Variants in TMEM132D observed in about 807,000 individuals in gnomAD.
The protein encoded by TMEM132D is mature OL transmembrane protein.
In TMEM132D, 21 loss-of-function variants were observed where a neutral mutation model predicts 62.3. The ratio of observed to expected loss-of-function variants is 0.34; its 90% CI spans 0.24 to 0.49. The LOEUF (loss-of-function observed/expected upper bound fraction) is 0.49, where lower values mean the gene tolerates loss of function less well. Ranked by LOEUF, TMEM132D falls within the 20% of genes least tolerant of loss-of-function variation. The probability of loss-of-function intolerance (pLI) is 0.99; values close to 1 mark genes in which losing one functional copy is unlikely to be tolerated. For missense variants in TMEM132D, 1,346 were observed against 1,402.8 expected (o/e 0.96, Z 0.65); for synonymous variants, 621 against 575.6 (o/e 1.08, Z -1.13).
At chr12:129,780,220 G>T (rs1380808433) in intron 1 of TMEM132D, among the ~76,000 whole-genome samples, 2 of 149,714 alleles carry the variant, frequency 1.3e-5, no homozygotes, top group Non-Finnish European at 3.0e-5. Flanking sequence ...TCCCCGTCCC[G>T]CTGTGTGCTG....
At chr12:129,672,196 G>A (rs879925419) in intron 2 of TMEM132D, among the ~76,000 whole-genome samples, 2 of 152,218 alleles carry the variant, frequency 1.3e-5, no homozygotes, top group African/African-American at 2.4e-5. Context: ...CAGGCCTCCC[G>A]TTTTCATGGC....
intron 3 of TMEM132D, among the ~76,000 whole-genome samples, chr12:129,526,264 T>C (rs531902781): frequency 1.1e-4 from 16 of 152,164 alleles, no homozygotes; most frequent in African/African-American, 2.9e-4. Context: ...GTTGCCCCAC[T>C]CCCCCAGGCT....
chr12:129,660,664 G>A (rs1231362206), intron 2 of TMEM132D, among the ~76,000 whole-genome samples: 1 of 152,152 alleles, frequency 6.6e-6, no homozygotes, highest in African/African-American at 2.4e-5. Context: ...CAAAGCATGA[G>A]GAGTCACTCA....
chr12:129,671,332 TA>T (rs1436387402), intron 2 of TMEM132D, among the ~76,000 whole-genome samples: 8 of 152,140 alleles, frequency 5.3e-5, no homozygotes, highest in East Asian at 1.9e-4. Flanking sequence ...GTAGTTGCAA[TA>T]GGTTTCCAAT....
intron 3 of TMEM132D, among the ~76,000 whole-genome samples, chr12:129,424,851 A>G (rs1212411100): frequency 6.6e-6 from 1 of 152,166 alleles, no homozygotes; most frequent in Admixed American, 6.5e-5. Context: ...AAAAGACTTT[A>G]AACTCGTCAA....
chr12:129,390,015 G>A (rs1183500555), intron 3 of TMEM132D, among the ~76,000 whole-genome samples: 2 of 152,176 alleles, frequency 1.3e-5, no homozygotes, highest in African/African-American at 2.4e-5. Flanking sequence ...TCCTGTCGGC[G>A]CACACTGGCG....
At chr12:129,165,056 T>A (rs1313373666) in intron 5 of TMEM132D, among the ~76,000 whole-genome samples, 1 of 152,230 alleles carries the variant, frequency 6.6e-6, no homozygotes, top group African/African-American at 2.4e-5. Flanking sequence ...AAAGGACTAT[T>A]GATTCACAAA....
intron 5 of TMEM132D, among the ~76,000 whole-genome samples, chr12:129,090,096 G>A (rs539028060): frequency 7.9e-5 from 12 of 152,316 alleles, no homozygotes; most frequent in South Asian, 2.1e-4. Flanking sequence ...ATGAGCTTCC[G>A]TCTCCAGGGT....
At chr12:129,762,721 T>TA (rs1254049924) in intron 1 of TMEM132D, among the ~76,000 whole-genome samples, 1 of 152,264 alleles carries the variant, frequency 6.6e-6, no homozygotes, top group East Asian at 1.9e-4. Context: ...CTAGAGCCTT[T>TA]AAACATATAT....
chr12:129,480,320 G>T (rs900363500), intron 3 of TMEM132D, among the ~76,000 whole-genome samples: 2 of 152,262 alleles, frequency 1.3e-5, no homozygotes, highest in African/African-American at 4.8e-5. Context: ...CCACTGAAAA[G>T]ACTTTGGTGC....
At chr12:129,397,948 T>C (rs1871480684) in intron 3 of TMEM132D, among the ~76,000 whole-genome samples, 1 of 152,194 alleles carries the variant, frequency 6.6e-6, no homozygotes, top group Non-Finnish European at 1.5e-5. Flanking sequence ...AAAACCTCTC[T>C]ACATGGGAAA....
At chr12:129,265,732 C>T (rs866072223) in intron 4 of TMEM132D, among the ~76,000 whole-genome samples, 18 of 152,032 alleles carry the variant, frequency 1.2e-4, no homozygotes, top group African/African-American at 4.3e-4. Context: ...TTGTAGTGCT[C>T]TTTCCCCAGA....
intron 1 of TMEM132D, among the ~76,000 whole-genome samples, chr12:129,845,199 A>G (rs578056548): frequency 1.3e-5 from 2 of 152,378 alleles, no homozygotes; most frequent in South Asian, 4.1e-4. Flanking sequence ...AAATACGCAT[A>G]CCAAGTAAAT....
intron 1 of TMEM132D, among the ~76,000 whole-genome samples, chr12:129,831,624 A>G (rs1470586074): frequency 6.6e-6 from 1 of 152,194 alleles, no homozygotes; most frequent in African/African-American, 2.4e-5. Context: ...TATTCTAAGG[A>G]ATGAATACGC....
chr12:129,478,809 C>T (rs149262030), intron 3 of TMEM132D, among the ~76,000 whole-genome samples: 1 of 152,280 alleles, frequency 6.6e-6, no homozygotes, highest in African/African-American at 2.4e-5. Context: ...AGAATCCGAG[C>T]TTTAGTCCCT....
chr12:129,279,132 C>G (rs1272685480), intron 4 of TMEM132D, among the ~76,000 whole-genome samples: 2 of 152,152 alleles, frequency 1.3e-5, no homozygotes, highest in Non-Finnish European at 2.9e-5. Flanking sequence ...ACAAAAAGAA[C>G]CTGTGCAGCC....
intron 2 of TMEM132D, among the ~76,000 whole-genome samples, chr12:129,655,333 G>A (rs774422356): frequency 3.4e-5 from 5 of 148,288 alleles, no homozygotes; most frequent in Admixed American, 6.8e-5. Flanking sequence ...CATAACCTCC[G>A]CCTCCCTGGT....
At chr12:129,844,552 G>T (rs1328734726) in intron 1 of TMEM132D, among the ~76,000 whole-genome samples, 1 of 152,134 alleles carries the variant, frequency 6.6e-6, no homozygotes, top group Non-Finnish European at 1.5e-5. Flanking sequence ...AAGCTCATCG[G>T]GTTTAAAAGA....
At chr12:129,554,404 G>A (rs1482684257) in intron 2 of TMEM132D, among the ~76,000 whole-genome samples, 1 of 152,166 alleles carries the variant, frequency 6.6e-6, no homozygotes, top group African/African-American at 2.4e-5. Context: ...ATCTGCAAGT[G>A]GAAGAGAAAG....
Sources: gnomAD v4.1 joint callset for allele counts (sites outside exome capture counted in the v4.1 genomes callset) on GRCh38, gnomAD v4.1.1 for gene constraint, MANE v1.5 for transcripts, NCBI Gene and HGNC (gene_info 2026-07-23, HGNC 2026-07-21) for gene names.